Variants in PTPRR observed in about 807,000 individuals in gnomAD.
PTPRR encodes the protein protein tyrosine phosphatase receptor type R.
Under a neutral mutation model 77.2 loss-of-function variants are expected in PTPRR, and 38 were observed. The ratio of observed to expected loss-of-function variants is 0.49; its 90% CI spans 0.38 to 0.65. The LOEUF is 0.65. Ranked by LOEUF, PTPRR falls within the 30% of genes least tolerant of loss-of-function variation. The pLI, the probability that PTPRR is intolerant of heterozygous loss-of-function variation, is 0.00. For missense variants in PTPRR, 744 were observed against 799.2 expected (o/e 0.93, Z 0.83); for synonymous variants, 299 against 283.1 (o/e 1.06, Z -0.57).
At chr12:70,832,164 T>A (rs1271099038) in intron 2 of PTPRR, among the ~76,000 whole-genome samples, 1 of 152,214 alleles carries the variant, frequency 6.6e-6, no homozygotes, top group East Asian at 1.9e-4. Flanking sequence ...CTGTGATGCA[T>A]TAACAAATGA....
At chr12:70,745,457 T>A (rs1158443346) in intron 6 of PTPRR, among the ~76,000 whole-genome samples, 2 of 152,222 alleles carry the variant, frequency 1.3e-5, no homozygotes, top group Non-Finnish European at 2.9e-5. Flanking sequence ...CAGGAAACAC[T>A]CTGAGTTCAT....
rs147753171 is a variant in PTPRR at position 70,742,782 on chromosome 12, G to A, written c.1007+3036C>T. The stretch of plus-strand genomic sequence containing the variant: ...TCTCAGTGGGATTGGGGTTGGACGG[G>A]GGAAACAGTTGGGAGAAGGTGCCAG... On this transcript the variant is annotated intron_variant, in intron 6 of 13. Transcript: ENST00000283228. Among the ~76,000 whole-genome samples the A allele has an allele frequency of 6.6e-3, 999 of 152,248 alleles. 16 individuals carry two copies. The highest frequency in any genetic ancestry group is 0.023 in the African/African-American group (945 of 41,532).
At chr12:70,764,883 G>C (rs1262442899) in intron 2 of PTPRR, 105 bp from the exon 3 acceptor site, 4 of 780,194 alleles carry the variant, frequency 5.1e-6, no homozygotes, top group Non-Finnish European at 8.4e-6. Context: ...TTCAGTTCTT[G>C]ACTCATGACT....
chr12:70,772,507 T>A (rs1592748726), intron 2 of PTPRR, among the ~76,000 whole-genome samples: 1 of 152,182 alleles, frequency 6.6e-6, no homozygotes, highest in East Asian at 1.9e-4. Flanking sequence ...GATTGGAAAC[T>A]GGATTAAATG....
At chr12:70,678,540 T>C (rs1187863475) in intron 10 of PTPRR, among the ~76,000 whole-genome samples, 1 of 152,224 alleles carries the variant, frequency 6.6e-6, no homozygotes, top group Non-Finnish European at 1.5e-5. Flanking sequence ...TAAAGTTTTG[T>C]CAGTTTTATG....
intron 2 of PTPRR, among the ~76,000 whole-genome samples, chr12:70,826,293 G>GC (rs1173342196): frequency 1.3e-5 from 2 of 152,166 alleles, no homozygotes; most frequent in African/African-American, 4.8e-5. Flanking sequence ...GCAGTGAGGT[G>GC]CAAATGGAAC....
chr12:70,761,929 G>T (rs1361827172), intron 3 of PTPRR, among the ~76,000 whole-genome samples: 2 of 152,102 alleles, frequency 1.3e-5, no homozygotes, highest in Non-Finnish European at 2.9e-5. Context: ...GATGTAGATT[G>T]TTCAGATGTT....
chr12:70,783,045 T>C (rs912901111), intron 2 of PTPRR, among the ~76,000 whole-genome samples: 1 of 152,126 alleles, frequency 6.6e-6, no homozygotes, highest in East Asian at 1.9e-4. Context: ...CTACATGAGC[T>C]ATTGATAAGG....
At chr12:70,850,345 C>T (rs188013420) in intron 2 of PTPRR, among the ~76,000 whole-genome samples, 124 of 150,362 alleles carry the variant, frequency 8.2e-4, no homozygotes, top group Non-Finnish European at 6.9e-4. Flanking sequence ...GGCAACAAAG[C>T]GAGATTCCAT....
In PTPRR at chr12:70,736,940, T is replaced by G. The variant is rs1889882317; in HGVS notation, c.1007+8878A>C. ...CTGCGACCTTTGGCAAGTACAGTAA[T>G]GCTGTTGGTGCCCCACCCAGGTCGC... On this transcript the variant is annotated intron_variant, in intron 6 of 13. Coordinates refer to ENST00000283228, the MANE Select transcript of PTPRR (RefSeq NM_002849.4). Among the ~76,000 whole-genome samples the G allele has an allele frequency of 5.3e-5, 8 of 152,298 alleles. No individual in the cohort carries two copies. In the South Asian group the frequency reaches 1.7e-3, roughly 32 times the overall value.
intron 10 of PTPRR, among the ~76,000 whole-genome samples, chr12:70,678,430 T>C (rs894692623): frequency 6.6e-6 from 1 of 152,060 alleles, no homozygotes; most frequent in Non-Finnish European, 1.5e-5. Flanking sequence ...GAAGGTTGCA[T>C]GTGTCCAGGA....
At chr12:70,909,514 C>T (rs1277876416) in intron 1 of PTPRR, among the ~76,000 whole-genome samples, 1 of 152,176 alleles carries the variant, frequency 6.6e-6, no homozygotes, top group South Asian at 2.1e-4. Flanking sequence ...AAAAAAGGTA[C>T]ACCTGTAACT....
At chr12:70,796,013 T>C (rs1891507558) in intron 2 of PTPRR, among the ~76,000 whole-genome samples, 1 of 142,004 alleles carries the variant, frequency 7.0e-6, no homozygotes, top group African/African-American at 2.6e-5. Flanking sequence ...AACTTCTGCC[T>C]CCAGGGTTCA....
intron 2 of PTPRR, among the ~76,000 whole-genome samples, chr12:70,815,891 C>A (rs1455881016): frequency 1.3e-5 from 2 of 152,118 alleles, no homozygotes; most frequent in African/African-American, 4.8e-5. Flanking sequence ...GTGCTATGGC[C>A]TAAACAATTT....
At chr12:70,805,561 A>C (rs1592767085) in intron 2 of PTPRR, among the ~76,000 whole-genome samples, 1 of 152,146 alleles carries the variant, frequency 6.6e-6, no homozygotes, top group Non-Finnish European at 1.5e-5. Flanking sequence ...GAGTCTGCCT[A>C]TGTTGCCCAG....
chr12:70,854,429 C>A (rs1415463348), intron 2 of PTPRR, among the ~76,000 whole-genome samples: 3 of 152,234 alleles, frequency 2.0e-5, no homozygotes, highest in African/African-American at 7.2e-5. Flanking sequence ...AACTTTGTGA[C>A]TGAAGCAGTA....
intron 2 of PTPRR, among the ~76,000 whole-genome samples, chr12:70,774,628 C>CCAGA (rs1891051607): frequency 8.3e-6 from 1 of 120,704 alleles, no homozygotes; most frequent in African/African-American, 4.6e-5. Context: ...CTGAGAAAAG[C>CCAGA]TGGATTTTGT....
chr12:70,737,665 A>G (rs1889916858), intron 6 of PTPRR, among the ~76,000 whole-genome samples: 1 of 152,032 alleles, frequency 6.6e-6, no homozygotes, highest in Admixed American at 6.6e-5. Flanking sequence ...GAGTACAGGT[A>G]AACACCACCA....
intron 2 of PTPRR, among the ~76,000 whole-genome samples, chr12:70,878,935 A>C (rs1399624408): frequency 6.6e-6 from 1 of 152,224 alleles, no homozygotes; most frequent in African/African-American, 2.4e-5. Context: ...AAAAAGGATG[A>C]GTTCATGTCC....
Sources: gnomAD v4.1 joint callset for allele counts (sites outside exome capture counted in the v4.1 genomes callset) on GRCh38, gnomAD v4.1.1 for gene constraint, MANE v1.5 for transcripts, NCBI Gene and HGNC (gene_info 2026-07-23, HGNC 2026-07-21) for gene names.